SUCLG2: variants seen among roughly 807,000 people sequenced by gnomAD.
SUCLG2 encodes succinate-CoA ligase GDP-forming subunit beta.
A neutral mutation model predicts 47.9 loss-of-function variants in SUCLG2; 42 were observed. The ratio of observed to expected loss-of-function variants is 0.88; its 90% CI spans 0.69 to 1.14. The LOEUF (loss-of-function observed/expected upper bound fraction) is 1.14. SUCLG2 is among the 50% of genes most tolerant of loss of function. The probability of loss-of-function intolerance (pLI) is 0.00; values close to 1 mark genes in which losing one functional copy is unlikely to be tolerated. For missense variants in SUCLG2, 571 were observed against 525.9 expected (o/e 1.09, Z -0.84); for synonymous variants, 195 against 197.3 (o/e 0.99, Z 0.10).
chr3:67,646,654 A>G (rs1701196558), intron 1 of SUCLG2, among the ~76,000 whole-genome samples: 2 of 140,888 alleles, frequency 1.4e-5, no homozygotes, highest in Non-Finnish European at 3.0e-5. Context: ...TGTGAAAAAG[A>G]AAAAAAAAAG....
chr3:67,395,878 C>T lies in SUCLG2; in HGVS notation c.1183+4853G>A, dbSNP rs191902546. Among the ~76,000 whole-genome samples the T allele has an allele frequency of 7.2e-3, 1,088 of 152,156 alleles. 14 individuals carry two copies. Among genetic ancestry groups the T allele is most frequent in the African/African-American group, 0.024 (1,003 of 41,528 alleles). ...CAGGATTAAGAAACTCACTCAAAAC[C>T]GCTCAACTACATGGAAACTGAACAA... On this transcript the variant is annotated intron_variant, in intron 10 of 10. Transcript: ENST00000307227.
intron 2 of SUCLG2, among the ~76,000 whole-genome samples, chr3:67,545,996 T>G (rs1220623422): frequency 4.6e-5 from 7 of 152,210 alleles, no homozygotes; most frequent in Admixed American, 1.3e-4. Context: ...ACAGAAGCCA[T>G]AAAACCTGAA....
chr3:67,570,312 T>G (rs1285607788), intron 2 of SUCLG2, among the ~76,000 whole-genome samples: 2 of 152,226 alleles, frequency 1.3e-5, no homozygotes, highest in Non-Finnish European at 2.9e-5. Flanking sequence ...CTCCCTGAAT[T>G]GCCAGTCCTG....
At chr3:67,511,476 T>C (rs1485719624) in intron 6 of SUCLG2, among the ~76,000 whole-genome samples, 1 of 152,136 alleles carries the variant, frequency 6.6e-6, no homozygotes, top group South Asian at 2.1e-4. Flanking sequence ...TCTCACGAGA[T>C]CTGGTGGTTT....
chr3:67,469,047 A>G (rs9856268), intron 9 of SUCLG2, among the ~76,000 whole-genome samples: 14,573 of 152,202 alleles, frequency 0.096, 877 homozygotes, highest in East Asian at 0.19. Flanking sequence ...GAAAGTCTGG[A>G]GCAGAAAGAA....
chr3:67,400,443 GT>G (rs963762626), intron 10 of SUCLG2, among the ~76,000 whole-genome samples: 2 of 152,080 alleles, frequency 1.3e-5, no homozygotes, highest in African/African-American at 4.8e-5. Context: ...TTCTCAGAGT[GT>G]TTTTCCCCAA....
chr3:67,624,420 T>G (rs1700787655), intron 1 of SUCLG2, among the ~76,000 whole-genome samples: 1 of 152,252 alleles, frequency 6.6e-6, no homozygotes, highest in Admixed American at 6.5e-5. Context: ...AAAATACTAC[T>G]GCTATGGAAA....
chr3:67,421,284 A>C (rs1703151816), intron 9 of SUCLG2, among the ~76,000 whole-genome samples: 1 of 152,190 alleles, frequency 6.6e-6, no homozygotes, highest in Non-Finnish European at 1.5e-5. Context: ...CCACTGCCAG[A>C]GTACCCCACA....
intron 10 of SUCLG2, among the ~76,000 whole-genome samples, chr3:67,361,035 C>G (rs1231865620): frequency 4.6e-5 from 7 of 152,060 alleles, no homozygotes; most frequent in Non-Finnish European, 7.4e-5. Flanking sequence ...TGTCCTACGT[C>G]CAGATAGAAA....
intron 1 of SUCLG2, among the ~76,000 whole-genome samples, chr3:67,626,808 G>C (rs1398362153): frequency 1.3e-5 from 2 of 151,576 alleles, no homozygotes; most frequent in African/African-American, 4.9e-5. Flanking sequence ...CAGCTACATG[G>C]GAGGCTGAGG....
intron 10 of SUCLG2, among the ~76,000 whole-genome samples, chr3:67,367,640 G>T (rs1181636370): frequency 6.6e-6 from 1 of 152,180 alleles, no homozygotes; most frequent in Non-Finnish European, 1.5e-5. Flanking sequence ...ATGTTCAGCA[G>T]CATCCTTGGC....
chr3:67,558,474 T>C (rs1413465673), intron 2 of SUCLG2, among the ~76,000 whole-genome samples: 1 of 152,206 alleles, frequency 6.6e-6, no homozygotes, highest in Non-Finnish European at 1.5e-5. Context: ...CGTGGTGGAC[T>C]ATGGTCCCAC....
intron 9 of SUCLG2, among the ~76,000 whole-genome samples, chr3:67,461,263 C>T (rs746317935): frequency 1.3e-5 from 2 of 152,140 alleles, no homozygotes; most frequent in Non-Finnish European, 2.9e-5. Context: ...ACTCAGGGTT[C>T]TCAACATTAA....
At chr3:67,498,050 T>G in intron 8 of SUCLG2, 84 bp downstream of exon 8, 4 of 1,392,830 alleles carry the variant, frequency 2.9e-6, no homozygotes, top group Non-Finnish European at 2.9e-6. Flanking sequence ...TTACTTCTTC[T>G]TGGTAAGTGA....
chr3:67,543,107 A>G lies in SUCLG2; in HGVS notation c.227-13921T>C, dbSNP rs142334552. Among the ~76,000 whole-genome samples, 677 of 152,340 alleles carry G rather than the reference A, an allele frequency of 4.4e-3. 7 individuals carry two copies. The East Asian group carries it at 0.053, about 12-fold the overall frequency. The stretch of plus-strand genomic sequence containing the variant: ...CAGCAAATGCAAAAGAATGGAAATC[A>G]TAACAGTGTCTCAGACCACAGTGCA... On this transcript the variant is annotated intron_variant, in intron 2 of 10. Coordinates refer to ENST00000307227, the MANE Select transcript of SUCLG2 (RefSeq NM_003848.4).
chr3:67,592,718 CAAAAAAAAAAA>C (rs754866312), intron 2 of SUCLG2, among the ~76,000 whole-genome samples: 2 of 80,264 alleles, frequency 2.5e-5, no homozygotes, highest in African/African-American at 1.2e-4. Context: ...TCACATCCTC[CAAAAAAAAAAA>C]AAAAAAACAA....
chr3:67,540,265 T>C (rs1706666089), intron 2 of SUCLG2, among the ~76,000 whole-genome samples: 1 of 152,088 alleles, frequency 6.6e-6, no homozygotes, highest in African/African-American at 2.4e-5. Flanking sequence ...GTTGTGTCTT[T>C]GTTCTCATTG....
At chr3:67,411,751 C>A (rs760241769) in intron 9 of SUCLG2, among the ~76,000 whole-genome samples, 2 of 152,092 alleles carry the variant, frequency 1.3e-5, no homozygotes, top group African/African-American at 4.8e-5. Flanking sequence ...GACTCTAATG[C>A]CAAACCTGAC....
intron 2 of SUCLG2, among the ~76,000 whole-genome samples, chr3:67,578,900 G>A (rs568393525): frequency 1.9e-4 from 29 of 152,326 alleles, no homozygotes; most frequent in African/African-American, 6.7e-4. Context: ...AGAGCAACAC[G>A]GAGAGGCCAA....
Sources: gnomAD v4.1 joint callset for allele counts (sites outside exome capture counted in the v4.1 genomes callset) on GRCh38, gnomAD v4.1.1 for gene constraint, MANE v1.5 for transcripts, NCBI Gene and HGNC (gene_info 2026-07-23, HGNC 2026-07-21) for gene names.